Variants in TRPM5 observed in about 807,000 individuals in gnomAD.
The protein encoded by TRPM5 is transient receptor potential cation channel subfamily M member 5, also known as MLSN1 and TRP-related.
In TRPM5, 121 loss-of-function variants were observed where a neutral mutation model predicts 124.9. The ratio of observed to expected loss-of-function variants is 0.97; its 90% CI spans 0.84 to 1.13. The LOEUF (loss-of-function observed/expected upper bound fraction) is 1.13, where lower values mean the gene tolerates loss of function less well. Among genes scored for constraint, TRPM5 ranks in the 50% most tolerant of loss-of-function variants. The pLI is 0.00. For missense variants in TRPM5, 1,643 were observed against 1,589.1 expected, an observed-to-expected ratio of 1.03 and a Z score of -0.58; for synonymous variants, 781 against 700.5, an observed-to-expected ratio of 1.11 and a Z score of -1.81.
At chr11:2,411,091 C>T (rs1192209949) in intron 18 of TRPM5, among the ~76,000 whole-genome samples, 1 of 152,136 alleles carries the variant, frequency 6.6e-6, no homozygotes, top group Non-Finnish European at 1.5e-5. Context: ...TTGGGGTCTC[C>T]TTGTGTCTCC....
At chr11:2,414,195 C>G in exon 12 of TRPM5, 1 of 1,609,392 alleles carries the variant, frequency 6.2e-7, no homozygotes, top group Non-Finnish European at 8.5e-7. Flanking sequence ...CTGTAGCACT[C>G]GGAGAAGAGG....
At chr11:2,414,032 A>G (rs1468219543) in intron 12 of TRPM5, 29 bp downstream of exon 17, 9 of 372,606 alleles carry the variant, frequency 2.4e-5, no homozygotes, top group Admixed American at 2.0e-4. Flanking sequence ...ACCCCCTGGC[A>G]GCTCTCCTCG....
At chr11:2,414,597 G>A in intron 11 of TRPM5, 118 bp downstream of exon 16, 7 of 1,369,882 alleles carry the variant, frequency 5.1e-6, no homozygotes, top group Non-Finnish European at 5.8e-6. Flanking sequence ...GCCCCTGAGG[G>A]CACCTGGAGC....
chr11:2,429,045 G>T, the TRPM5 span, among the ~76,000 whole-genome samples: 2 of 151,660 alleles, frequency 1.3e-5, no homozygotes, highest in East Asian at 3.9e-4. The surrounding 1 kb of genome is among the most constrained non-coding windows in gnomAD (Gnocchi z 8.4). Flanking sequence ...TGATAGTGTT[G>T]GTACTGGTGG....
Position 2,415,406 on chromosome 11 carries a change from G to A in TRPM5, c.1194C>T (p.Leu398=), listed in dbSNP as rs1389210650. 3 of 1,594,004 alleles carry A rather than the reference G, an allele frequency of 1.9e-6. No individual in the cohort carries two copies. The Admixed American group carries it at 5.0e-5, about 27-fold the overall frequency. The stretch of plus-strand genomic sequence containing the variant: ...CCACGTCTGCGCCGTTGTCCACAAA[G>A]AGGCGCACAAACTCGGGCTTGTTGC... The change falls in exon 9 of 24, where the codon CTC becomes CTT. Residue 398 remains leucine, a synonymous_variant. Transcript: ENST00000155858.
chr11:2,444,134 A>T, the TRPM5 span, among the ~76,000 whole-genome samples: 6 of 144,788 alleles, frequency 4.1e-5, no homozygotes, highest in African/African-American at 1.5e-4. Context: ...CTCCCCACCC[A>T]CACAGCTCCC....
chr11:2,405,427 G>T, intron 23 of TRPM5, 100 bp downstream of exon 28: 1 of 1,260,904 alleles, frequency 7.9e-7, no homozygotes. Flanking sequence ...CCCGGGCCAG[G>T]CAGGGAAGGC....
rs186728771 is a variant in TRPM5 at position 2,417,388 on chromosome 11, G to T, written c.1009+339C>A. Among the ~76,000 whole-genome samples, 97 of 152,318 alleles carry T rather than the reference G, an allele frequency of 6.4e-4. 4 individuals carry two copies. The East Asian group carries it at 0.018, about 28-fold the overall frequency. On this transcript the variant is annotated intron_variant, in intron 7 of 23. Coordinates refer to ENST00000155858, the Ensembl canonical transcript of TRPM5. ...GAGAATCACTTCAACTCGGGAGGTG[G>T]AGCTTGCAGTGAGCCGAGATCGCAG...
Position 2,414,349 on chromosome 11 carries a change from C to T in TRPM5, c.1745-143G>A, listed in dbSNP as rs1417295779. 7 of 1,237,824 alleles carry T rather than the reference C, an allele frequency of 5.7e-6. No homozygotes were observed. The East Asian group carries it at 1.8e-4, about 32-fold the overall frequency. The allele number at this position is 1,237,824 out of a possible 1,614,324, so 76.7% of individuals were successfully genotyped here. ...CGCAGGGCCCAGCCAGGCCTTCTGC[C>T]CCCTCCGGCCTGCTCCGGGCCCTTC... On this transcript the variant is annotated intron_variant, in intron 11 of 23. Transcript: ENST00000155858.
the TRPM5 span, among the ~76,000 whole-genome samples, chr11:2,432,737 T>G: frequency 1.3e-5 from 2 of 152,256 alleles, no homozygotes; most frequent in African/African-American, 4.8e-5. Flanking sequence ...TAGGGCCCGC[T>G]GGCCCAGGGT....
intron 23 of TRPM5, among the ~76,000 whole-genome samples, 159 bp downstream of exon 28, chr11:2,405,368 C>T (rs1184137333): frequency 6.6e-6 from 1 of 152,238 alleles, no homozygotes; most frequent in Non-Finnish European, 1.5e-5. Flanking sequence ...CGTCAGAGGG[C>T]ACCCACACCA....
At position 2,405,136 on chromosome 11, in the gene TRPM5, C is replaced by G. The variant is rs372641054; in HGVS notation, c.3392-93G>C. The G allele has an allele frequency of 2.8e-6, 3 of 1,063,656 alleles. No homozygotes were observed. In the African/African-American group the frequency reaches 4.7e-5, roughly 17 times the overall value. 65.9% of individuals were successfully genotyped at this position (1,063,656 alleles called of 1,614,324 possible). A position where few individuals can be genotyped will look rare whatever the true frequency, so the allele number is the denominator to read the frequency against. On this transcript the variant is annotated intron_variant, in intron 23 of 23. Coordinates refer to ENST00000155858, the Ensembl canonical transcript of TRPM5. ...GCTGGCTCAGAGGCAAGGGCCAGGA[C>G]GCCGTGGCTCTCAGAGTGAGTCCCC...
the TRPM5 span, among the ~76,000 whole-genome samples, chr11:2,430,319 C>T: frequency 6.6e-6 from 1 of 152,242 alleles, no homozygotes; most frequent in Admixed American, 6.5e-5. Context: ...AGGTGACTTG[C>T]TTCCCCTTCA....
At chr11:2,439,141 C>T in the TRPM5 span, among the ~76,000 whole-genome samples, 1 of 152,218 alleles carries the variant, frequency 6.6e-6, no homozygotes, top group Non-Finnish European at 1.5e-5. Flanking sequence ...AAGAATGAAA[C>T]TGGACCCCTA....
chr11:2,425,128 G>A (rs1348749323), upstream of TRPM5, among the ~76,000 whole-genome samples: 1 of 152,178 alleles, frequency 6.6e-6, no homozygotes, highest in Non-Finnish European at 1.5e-5. Context: ...GGCCCCAGGT[G>A]GGGGCTGGAG....
At chr11:2,415,517 C>G in intron 8 of TRPM5, 46 bp from the exon 14 acceptor site, 1 of 1,327,256 alleles carries the variant, frequency 7.5e-7, no homozygotes, top group Non-Finnish European at 1.0e-6. Context: ...AGAGAGTGAG[C>G]GAGAGACAGG....
chr11:2,404,288 G>A (rs1283490248), downstream of TRPM5, among the ~76,000 whole-genome samples: 1 of 152,190 alleles, frequency 6.6e-6, no homozygotes, highest in South Asian at 2.1e-4. Flanking sequence ...TCTGGGCCAC[G>A]TGGGGTACAG....
intron 11 of TRPM5, 26 bp from the exon 17 acceptor site, chr11:2,414,232 G>C: frequency 6.3e-7 from 1 of 1,598,744 alleles, no homozygotes; most frequent in East Asian, 2.3e-5. Flanking sequence ...CTGGCCGCTA[G>C]GACGAGACGC....
the TRPM5 span, among the ~76,000 whole-genome samples, chr11:2,436,209 C>A: frequency 2.6e-5 from 4 of 152,272 alleles, no homozygotes; most frequent in African/African-American, 9.6e-5. Flanking sequence ...CCAAACCCTG[C>A]CAGCCTTTGG....
Sources: allele counts gnomAD v4.1 joint callset (sites outside exome capture counted in the v4.1 genomes callset), GRCh38; gene constraint gnomAD v4.1.1; non-coding constraint Gnocchi (gnomAD v3.1); transcripts MANE v1.5; gene names NCBI Gene and HGNC (gene_info 2026-07-23, HGNC 2026-07-21).